Variants in DENND2A observed in about 807,000 individuals in gnomAD.
DENND2A encodes the protein DENN domain-containing protein 2A.
In DENND2A, 53 loss-of-function variants were observed where a neutral mutation model predicts 105.3. That is an observed-to-expected ratio of 0.50 (90% CI 0.40 to 0.63). DENND2A has a LOEUF of 0.63. Among genes scored for constraint, DENND2A ranks in the 30% least tolerant of loss-of-function variants. DENND2A has a pLI of 0.00. For missense variants in DENND2A, 1,138 were observed against 1,279.6 expected (o/e 0.89, Z 1.69); for synonymous variants, 522 against 508.4 (o/e 1.03, Z -0.36).
chr7:140,583,931 A>ACAAAAAC (rs1425373052), intron 5 of DENND2A, among the ~76,000 whole-genome samples: 1 of 140,176 alleles, frequency 7.1e-6, no homozygotes, highest in South Asian at 2.2e-4. Context: ...GTCTCGAAAA[A>ACAAAAAC]AAAAAAAAAA....
In DENND2A at chr7:140,584,058, A is replaced by G. The variant is rs184901811; in HGVS notation, c.1245+1531T>C. On this transcript the variant is annotated intron_variant, in intron 5 of 19. Coordinates refer to ENST00000496613, the MANE Select transcript of DENND2A (RefSeq NM_015689.5). ...GGAGTTTGAGACCAGCCTGGCCAAC[A>G]TGGTGAAACCCCATCTCTACTAAAA... Among the ~76,000 whole-genome samples the G allele has an allele frequency of 5.9e-3, 881 of 149,370 alleles. 121 individuals are homozygous for G. The highest frequency in any genetic ancestry group is 0.021 in the African/African-American group (834 of 39,008).
In DENND2A at chr7:140,568,869, A is replaced by T; in HGVS notation, c.1541-56T>A. The T allele has an allele frequency of 1.9e-6, 3 of 1,549,154 alleles. No individual in the cohort carries two copies. The South Asian group carries it at 3.3e-5, about 17-fold the overall frequency. On this transcript the variant is annotated intron_variant, in intron 7 of 19. Transcript: ENST00000496613. ...AAATGTGAGTTCTTCTCATGTAGGA[A>T]ACTCTTTCTATGTGGTAGCACAGAT...
chr7:140,555,152 G>C (rs913944353), intron 12 of DENND2A, among the ~76,000 whole-genome samples: 1 of 90,180 alleles, frequency 1.1e-5, no homozygotes, highest in Admixed American at 1.2e-4. Context: ...TTTTTTTTTT[G>C]AGACGGAGTC....
In DENND2A at chr7:140,631,442, G is replaced by A. The variant is rs550410016; in HGVS notation, c.-248+9062C>T. 4.5e-4 allele frequency among the ~76,000 whole-genome samples: 69 copies of A among 152,072 alleles called. 1 individual carries two copies. The South Asian group carries it at 0.013, about 29-fold the overall frequency. On this transcript the variant is annotated intron_variant, in intron 1 of 19. Coordinates refer to ENST00000496613, the MANE Select transcript of DENND2A (RefSeq NM_015689.5). ...CTGTACCAGACCAGGAATCTTGGCT[G>A]TCCTATATTCAAGGGAAAGAAGAGC... is the stretch of plus-strand genomic sequence containing the variant.
At chr7:140,522,503 G>T (rs6464825) in intron 17 of DENND2A, among the ~76,000 whole-genome samples, 30,562 of 151,696 alleles carry the variant, frequency 0.2, 3,136 homozygotes, top group Middle Eastern at 0.24. Context: ...TAGTAGAGAT[G>T]GGGTTTCACC....
chr7:140,558,652 T>C (rs1019726808), intron 10 of DENND2A, among the ~76,000 whole-genome samples: 8 of 141,106 alleles, frequency 5.7e-5, no homozygotes, highest in South Asian at 2.2e-4. Flanking sequence ...GCCAAGATCA[T>C]GCCATTACAC....
intron 1 of DENND2A, among the ~76,000 whole-genome samples, chr7:140,638,061 A>G (rs1191044769): frequency 6.6e-6 from 1 of 151,960 alleles, no homozygotes; most frequent in Non-Finnish European, 1.5e-5. Flanking sequence ...CTTTTGTAAC[A>G]CCAGCAACGA....
intron 16 of DENND2A, among the ~76,000 whole-genome samples, chr7:140,524,533 C>T (rs1371522532): frequency 6.6e-6 from 1 of 152,106 alleles, no homozygotes; most frequent in Non-Finnish European, 1.5e-5. Flanking sequence ...CGTGCGCGCA[C>T]ACACGCACAC....
In DENND2A at chr7:140,557,803, G is replaced by T. The variant is rs976087305; in HGVS notation, c.1959+340C>A. Reference sequence around the variant, plus strand: ...TCCGCCCGTCTCGGCCTCCCAAAGTGCTGGGATTACAGGCGTGAGCCACCG... The same window carrying T: ...TCCGCCCGTCTCGGCCTCCCAAAGTTCTGGGATTACAGGCGTGAGCCACCG... On this transcript the variant is annotated intron_variant, in intron 11 of 19. Coordinates refer to ENST00000496613, the MANE Select transcript of DENND2A (RefSeq NM_015689.5). Among the ~76,000 whole-genome samples, 7 of 151,550 alleles carry T rather than the reference G, an allele frequency of 4.6e-5. No homozygotes were observed. In the South Asian group the frequency reaches 1.5e-3, roughly 32 times the overall value.
At chr7:140,640,966 C>CCA (rs1415577721), upstream of DENND2A, among the ~76,000 whole-genome samples, 1 of 151,948 alleles carries the variant, frequency 6.6e-6, no homozygotes, top group Non-Finnish European at 1.5e-5. This position sits in a 1 kb window ranked among gnomAD's most constrained non-coding sequence, Gnocchi z 4.9. Flanking sequence ...CCGGACTCGC[C>CCA]CCCTCGCCTC....
chr7:140,535,453 C>T (rs1053919594), intron 14 of DENND2A, among the ~76,000 whole-genome samples: 8 of 152,164 alleles, frequency 5.3e-5, no homozygotes, highest in Admixed American at 5.2e-4. Context: ...AGTTCTGTTA[C>T]TCTCTGCGTG....
chr7:140,557,937 G>A (rs1230490232), intron 11 of DENND2A, among the ~76,000 whole-genome samples: 2 of 152,060 alleles, frequency 1.3e-5, no homozygotes, highest in Non-Finnish European at 2.9e-5. Flanking sequence ...CTCCCAAAGT[G>A]CTGGGTTTAT....
chr7:140,639,377 G>A (rs993259325), intron 1 of DENND2A, among the ~76,000 whole-genome samples: 3 of 151,820 alleles, frequency 2.0e-5, no homozygotes, highest in African/African-American at 7.3e-5. Context: ...AAAAACAAAC[G>A]AAAGGACTGG....
intron 1 of DENND2A, among the ~76,000 whole-genome samples, chr7:140,627,979 A>T (rs1248121498): frequency 6.6e-6 from 1 of 151,978 alleles, no homozygotes; most frequent in African/African-American, 2.4e-5. Flanking sequence ...TTTAGTAGAG[A>T]TGGGGTTTCA....
chr7:140,545,683 C>T (rs373317841), intron 13 of DENND2A, among the ~76,000 whole-genome samples: 5 of 152,182 alleles, frequency 3.3e-5, no homozygotes, highest in Non-Finnish European at 5.9e-5. Context: ...TGTATATCTT[C>T]TTATTCTGCA....
chr7:140,568,749 G>A lies in DENND2A; in HGVS notation c.1591+14C>T, dbSNP rs1563147722. 1.9e-6 allele frequency: 3 copies of A among 1,614,038 alleles called. No homozygotes were observed. Among genetic ancestry groups the A allele is most frequent in the Non-Finnish European group, 2.5e-6 (3 of 1,179,910 alleles). ...TCACCTGCCTGAGTCCTGCACAGTA[G>A]TGGCTCTCCTCACCTTTCAGCTTCT... On this transcript the variant is annotated intron_variant, in intron 8 of 19. Coordinates refer to ENST00000496613, the MANE Select transcript of DENND2A (RefSeq NM_015689.5).
At chr7:140,639,110 G>T (rs1196879915) in intron 1 of DENND2A, among the ~76,000 whole-genome samples, 1 of 151,810 alleles carries the variant, frequency 6.6e-6, no homozygotes, top group Non-Finnish European at 1.5e-5. Context: ...CCAGCACTTT[G>T]CGAGGCCGAG....
Position 140,567,081 on chromosome 7 carries a change from G to C in DENND2A, c.1779+5C>G. On this transcript the variant is annotated splice_donor_5th_base_variant and intron_variant, in intron 9 of 19. Coordinates refer to ENST00000496613, the MANE Select transcript of DENND2A (RefSeq NM_015689.5). ...CAGGCCACAGGGACCTGGCCACCCT[G>C]TTACCTTCAGAGGGAACTGTTGGGT... is the stretch of plus-strand genomic sequence containing the variant. 1 of 1,576,034 alleles carries C rather than the reference G, an allele frequency of 6.3e-7. No individual in the cohort carries two copies. Among genetic ancestry groups the C allele is most frequent in the South Asian group, 1.2e-5 (1 of 86,038 alleles).
intron 9 of DENND2A, among the ~76,000 whole-genome samples, chr7:140,562,656 C>T (rs528163881): frequency 8.3e-6 from 1 of 120,266 alleles, no homozygotes; most frequent in South Asian, 3.2e-4. Flanking sequence ...AGGGAGGCTC[C>T]GTCTCAAAAC....
Sources: allele counts gnomAD v4.1 joint callset (sites outside exome capture counted in the v4.1 genomes callset), GRCh38; gene constraint gnomAD v4.1.1; non-coding constraint Gnocchi (gnomAD v3.1); transcripts MANE v1.5; gene names NCBI Gene and HGNC (gene_info 2026-07-23, HGNC 2026-07-21).